GLIS3: variants seen among roughly 807,000 people sequenced by gnomAD.
The protein encoded by GLIS3 is zinc finger protein GLIS3.
In GLIS3, 53 loss-of-function variants were observed where a neutral mutation model predicts 78.6. That is an observed-to-expected ratio of 0.67 (90% confidence interval 0.54 to 0.85). GLIS3 has a LOEUF of 0.85. Among genes scored for constraint, GLIS3 ranks in the 40% least tolerant of loss-of-function variants. The pLI, the probability that GLIS3 is intolerant of heterozygous loss-of-function variation, is 0.00. For missense variants in GLIS3, 1,703 were observed against 1,231.1 expected, an observed-to-expected ratio of 1.38 and a Z score of -5.74; for synonymous variants, 684 against 509.9, an observed-to-expected ratio of 1.34 and a Z score of -4.60.
At chr9:3,863,703 ATGAG>A (rs1315410771) in intron 8 of GLIS3, among the ~76,000 whole-genome samples, 1 of 152,236 alleles carries the variant, frequency 6.6e-6, no homozygotes. Context: ...CATATACATC[ATGAG>A]TGAGTGAGTG....
At chr9:3,980,005 G>A (rs1251126660) in intron 4 of GLIS3, among the ~76,000 whole-genome samples, 3 of 152,092 alleles carry the variant, frequency 2.0e-5, no homozygotes, top group Non-Finnish European at 2.9e-5. Context: ...TGGACTTGCC[G>A]TTTAGGAGTC....
chr9:4,095,388 T>C (rs909203948), intron 4 of GLIS3, among the ~76,000 whole-genome samples: 1 of 152,196 alleles, frequency 6.6e-6, no homozygotes, highest in African/African-American at 2.4e-5. Flanking sequence ...ACAAATTATA[T>C]GTACTATAAC....
chr9:3,858,184 G>C (rs545310613), intron 8 of GLIS3, among the ~76,000 whole-genome samples: 4 of 152,228 alleles, frequency 2.6e-5, no homozygotes, highest in African/African-American at 9.6e-5. Flanking sequence ...TGCTCTAGAT[G>C]GTTTTCCAGT....
At chr9:4,410,448 G>A in the GLIS3 span, among the ~76,000 whole-genome samples, 2 of 151,984 alleles carry the variant, frequency 1.3e-5, no homozygotes, top group South Asian at 2.1e-4. Context: ...TAAAATATTA[G>A]GATTTTAAGT....
chr9:4,112,272 G>A (rs187738451), intron 4 of GLIS3, among the ~76,000 whole-genome samples: 52 of 152,158 alleles, frequency 3.4e-4, no homozygotes, highest in Non-Finnish European at 4.1e-4. Flanking sequence ...ATCTTATCTC[G>A]TCTCTGAATT....
At chr9:4,302,942 T>C (rs1817128943), upstream of GLIS3, among the ~76,000 whole-genome samples, 1 of 152,096 alleles carries the variant, frequency 6.6e-6, no homozygotes, top group Non-Finnish European at 1.5e-5. Flanking sequence ...CCATTTCAAG[T>C]ATAGGAATCA....
chr9:4,131,414 G>T (rs1193846119), intron 2 of GLIS3, among the ~76,000 whole-genome samples: 1 of 152,186 alleles, frequency 6.6e-6, no homozygotes, highest in Non-Finnish European at 1.5e-5. Context: ...CAATTGTAAT[G>T]CCCAATTTTG....
chr9:4,003,438 C>T (rs916669716), intron 4 of GLIS3, among the ~76,000 whole-genome samples: 1 of 152,124 alleles, frequency 6.6e-6, no homozygotes, highest in African/African-American at 2.4e-5. Flanking sequence ...GTCCCTCTTA[C>T]CAAACGACAA....
At chr9:4,408,355 A>T in the GLIS3 span, among the ~76,000 whole-genome samples, 1 of 151,636 alleles carries the variant, frequency 6.6e-6, no homozygotes, top group Non-Finnish European at 1.5e-5. Context: ...CAAGATTTGG[A>T]CTGTTCTCTA....
intron 4 of GLIS3, among the ~76,000 whole-genome samples, chr9:4,107,218 G>A (rs1830826220): frequency 1.3e-5 from 2 of 152,180 alleles, no homozygotes; most frequent in Admixed American, 1.3e-4. Context: ...CAGAGAAGAA[G>A]CAGGGGGCAC....
intron 2 of GLIS3, among the ~76,000 whole-genome samples, chr9:4,269,418 T>G (rs1826306011): frequency 6.6e-6 from 1 of 152,228 alleles, no homozygotes; most frequent in Non-Finnish European, 1.5e-5. Context: ...CCAGCTACAG[T>G]GCAAATCAAG....
intron 4 of GLIS3, among the ~76,000 whole-genome samples, chr9:4,066,051 A>G (rs7857246): frequency 0.023 from 3,486 of 151,864 alleles, 133 homozygotes; most frequent in African/African-American, 0.079. Flanking sequence ...AAAAAAAAAA[A>G]AAAGAAACAG....
intron 6 of GLIS3, among the ~76,000 whole-genome samples, chr9:3,926,982 G>C (rs1825301176): frequency 6.6e-6 from 1 of 152,178 alleles, no homozygotes; most frequent in Non-Finnish European, 1.5e-5. Context: ...CAGCTCCTCA[G>C]AGAGGCCTTT....
chr9:4,411,161 G>A, the GLIS3 span, among the ~76,000 whole-genome samples: 2 of 151,944 alleles, frequency 1.3e-5, no homozygotes, highest in African/African-American at 2.4e-5. Flanking sequence ...TTGAATTTTC[G>A]GCCTAATTTT....
chr9:4,173,878 A>C (rs1816592081), intron 2 of GLIS3, among the ~76,000 whole-genome samples: 1 of 151,864 alleles, frequency 6.6e-6, no homozygotes. Flanking sequence ...CTTTAGCTAA[A>C]GAAGACATGA....
At chr9:4,306,843 T>C (rs1478706791) in intron 4 of GLIS3, among the ~76,000 whole-genome samples, 1 of 152,254 alleles carries the variant, frequency 6.6e-6, no homozygotes, top group Non-Finnish European at 1.5e-5. Context: ...TACCCCTTGC[T>C]GATATAAGCA....
the GLIS3 span, among the ~76,000 whole-genome samples, chr9:4,395,440 C>T: frequency 1.3e-5 from 2 of 152,108 alleles, no homozygotes; most frequent in Non-Finnish European, 2.9e-5. Context: ...CTTCTTAGGC[C>T]TCCAGTAGGC....
At chr9:4,192,650 T>A (rs188670884) in intron 2 of GLIS3, among the ~76,000 whole-genome samples, 1 of 152,178 alleles carries the variant, frequency 6.6e-6, no homozygotes, top group East Asian at 1.9e-4. Context: ...CATGTATACA[T>A]GCATTCAGCA....
intron 2 of GLIS3, among the ~76,000 whole-genome samples, chr9:4,243,371 T>G (rs1823501449): frequency 7.2e-6 from 1 of 137,964 alleles, no homozygotes; most frequent in Non-Finnish European, 1.6e-5. Context: ...AACCTCCATA[T>G]ACATGTTTAC....
Sources: allele counts gnomAD v4.1 joint callset (sites outside exome capture counted in the v4.1 genomes callset), GRCh38; gene constraint gnomAD v4.1.1; transcripts MANE v1.5; gene names NCBI Gene and HGNC (gene_info 2026-07-23, HGNC 2026-07-21).